Variants in POLA1 observed in about 807,000 individuals in gnomAD.
POLA1 encodes the protein DNA polymerase alpha 1, catalytic subunit.
In POLA1, 15 loss-of-function variants were observed where a neutral mutation model predicts 124.0. The observed-to-expected ratio is 0.12, with a 90% CI of 0.08 to 0.19. POLA1 has a LOEUF of 0.19. POLA1 is among the 10% of genes least tolerant of loss of function. The pLI is 1.00. For synonymous variants in POLA1, 408 were observed against 389.4 expected, an observed-to-expected ratio of 1.05 and a Z score of -0.56; for missense variants, 886 against 1,103.4, an observed-to-expected ratio of 0.80 and a Z score of 2.79.
chrX:24,981,477 T>C (rs1376494671), intron 36 of POLA1, among the ~76,000 whole-genome samples: 1 of 112,696 alleles, frequency 8.9e-6, no homozygotes, highest in Non-Finnish European at 1.9e-5. Flanking sequence ...ACAGACAAAT[T>C]CCAATTACTT....
At chrX:24,849,040 A>C (rs983577487) in intron 34 of POLA1, among the ~76,000 whole-genome samples, 2 of 113,357 alleles carry the variant, frequency 1.8e-5, no homozygotes, top group African/African-American at 6.4e-5. Flanking sequence ...TATAGGTTGC[A>C]ATATGCAGTA....
At chrX:24,813,619 A>G (rs759841215) in intron 29 of POLA1, among the ~76,000 whole-genome samples, 6 of 111,827 alleles carry the variant, frequency 5.4e-5, no homozygotes, top group East Asian at 2.8e-4. Context: ...TTGGAGACCA[A>G]CCTGCCCAAC....
chrX:24,945,020 A>C (rs1368863310), intron 36 of POLA1, among the ~76,000 whole-genome samples: 1 of 112,092 alleles, frequency 8.9e-6, no homozygotes, highest in East Asian at 2.8e-4. Flanking sequence ...CTGGAGTGAG[A>C]GTGCCAGGTG....
At chrX:24,950,258 A>G (rs887470787) in intron 36 of POLA1, among the ~76,000 whole-genome samples, 7 of 112,178 alleles carry the variant, frequency 6.2e-5, no homozygotes, top group African/African-American at 1.6e-4. Flanking sequence ...ACTCTTTGCA[A>G]TGGTAGAAGT....
At chrX:24,748,029 C>T (rs767342903) in intron 24 of POLA1, among the ~76,000 whole-genome samples, 110 of 111,708 alleles carry the variant, frequency 9.8e-4, no homozygotes, top group Non-Finnish European at 1.4e-3. Flanking sequence ...CCACCGTGCC[C>T]GGCCAAATGT....
chrX:24,813,372 G>A (rs1321096315), intron 29 of POLA1, among the ~76,000 whole-genome samples: 3 of 111,779 alleles, frequency 2.7e-5, no homozygotes, highest in South Asian at 3.7e-4. Context: ...CTAATACCAA[G>A]TTAAGGGCTC....
At chrX:24,733,947 G>A (rs770097293) in intron 17 of POLA1, 131 bp downstream of exon 17, 31 of 399,735 alleles carry the variant, frequency 7.8e-5, no homozygotes, top group Middle Eastern at 9.1e-4. Flanking sequence ...CTATGACATC[G>A]ACCCATTAAA....
intron 26 of POLA1, among the ~76,000 whole-genome samples, chrX:24,783,886 A>G (rs1018069840): frequency 9.9e-5 from 11 of 110,995 alleles, no homozygotes; most frequent in Non-Finnish European, 1.5e-4. Flanking sequence ...CAAGTGCTCA[A>G]TAGCCATTAT....
chrX:24,854,601 A>G (rs2046616846), intron 34 of POLA1, among the ~76,000 whole-genome samples: 1 of 111,405 alleles, frequency 9.0e-6, no homozygotes, highest in Non-Finnish European at 1.9e-5. Context: ...GAGGCTGAGC[A>G]GGCGGATCAC....
intron 36 of POLA1, among the ~76,000 whole-genome samples, chrX:24,983,115 A>G (rs1243954366): frequency 8.9e-6 from 1 of 111,746 alleles, no homozygotes; most frequent in African/African-American, 3.3e-5. Flanking sequence ...TTTCTCGTTT[A>G]TGTTAATCAT....
intron 30 of POLA1, among the ~76,000 whole-genome samples, chrX:24,816,153 G>T (rs760474844): frequency 8.9e-6 from 1 of 111,754 alleles, no homozygotes; most frequent in Non-Finnish European, 1.9e-5. Context: ...GTTCCTTGAA[G>T]GAAAATATTT....
intron 36 of POLA1, among the ~76,000 whole-genome samples, chrX:24,959,414 A>T (rs1004620772): frequency 9.2e-6 from 1 of 108,980 alleles, no homozygotes; most frequent in African/African-American, 3.4e-5. Context: ...CAGTGAGCCA[A>T]GAGCGCACCA....
At chrX:24,987,289 T>C (rs1451800198) in intron 36 of POLA1, among the ~76,000 whole-genome samples, 1 of 111,802 alleles carries the variant, frequency 8.9e-6, no homozygotes, top group Non-Finnish European at 1.9e-5. Flanking sequence ...ATTGTAGCCT[T>C]GTGAGAAACC....
At chrX:24,906,069 C>G (rs1276657599) in intron 35 of POLA1, among the ~76,000 whole-genome samples, 2 of 111,768 alleles carry the variant, frequency 1.8e-5, no homozygotes, top group East Asian at 5.6e-4. Flanking sequence ...GGAATGTAAA[C>G]TAGTATAACC....
intron 35 of POLA1, among the ~76,000 whole-genome samples, chrX:24,898,020 T>A (rs1280220374): frequency 8.9e-6 from 1 of 112,354 alleles, no homozygotes; most frequent in Non-Finnish European, 1.9e-5. Flanking sequence ...GGGGGAGTAA[T>A]GCCACCCCTG....
rs2048182934 is a variant in POLA1, at chrX:24,962,801, A to G, written c.4261+32252A>G. ...AATGTGGGCTGGTTATCTATTCAAA[A>G]CTTTCAACATGACTTGTGAGATGGA... is the stretch of plus-strand genomic sequence containing the variant. On this transcript the variant is annotated intron_variant, in intron 36 of 36. Transcript: ENST00000379068. Among the ~76,000 whole-genome samples, 3 of 111,782 alleles carry G rather than the reference A, an allele frequency of 2.7e-5. No homozygotes were observed. In the South Asian group the frequency reaches 1.1e-3, roughly 42 times the overall value.
intron 36 of POLA1, among the ~76,000 whole-genome samples, chrX:24,932,699 A>G (rs1420975379): frequency 8.9e-6 from 1 of 111,850 alleles, no homozygotes; most frequent in South Asian, 3.7e-4. Context: ...AGAAAAAAAT[A>G]TATGTGACTG....
intron 34 of POLA1, among the ~76,000 whole-genome samples, chrX:24,871,433 C>T (rs775455179): frequency 1.8e-5 from 2 of 111,666 alleles, no homozygotes; most frequent in Non-Finnish European, 3.8e-5. Context: ...ATTACTCAGC[C>T]GGGAGCACTT....
chrX:24,711,583 C>G (rs929688373), intron 4 of POLA1, among the ~76,000 whole-genome samples: 4 of 111,599 alleles, frequency 3.6e-5, no homozygotes, highest in Non-Finnish European at 7.5e-5. Context: ...ATTGCTGGCT[C>G]AAAGAGTAGC....
Sources: allele counts gnomAD v4.1 joint callset (sites outside exome capture counted in the v4.1 genomes callset), GRCh38; gene constraint gnomAD v4.1.1; transcripts MANE v1.5; gene names NCBI Gene and HGNC (gene_info 2026-07-23, HGNC 2026-07-21).